The following ANKS1B variants were observed in gnomAD, a reference collection of about 807,000 sequenced individuals.
ANKS1B encodes the protein ankyrin repeat and sterile alpha motif domain-containing protein 1B.
In ANKS1B, 36 loss-of-function variants were observed where a neutral mutation model predicts 148.3. The ratio of observed to expected loss-of-function variants is 0.24; its 90% CI spans 0.19 to 0.32. The LOEUF (loss-of-function observed/expected upper bound fraction) is 0.32. Among genes scored for constraint, ANKS1B ranks in the 10% least tolerant of loss-of-function variants. ANKS1B has a pLI of 1.00. For synonymous variants in ANKS1B, 542 were observed against 560.8 expected (o/e 0.97, Z 0.47); for missense variants, 1,157 against 1,542.6 (o/e 0.75, Z 4.19).
At chr12:99,764,029 G>A (rs2153611505) in intron 8 of ANKS1B, among the ~76,000 whole-genome samples, 1 of 152,180 alleles carries the variant, frequency 6.6e-6, no homozygotes, top group Non-Finnish European at 1.5e-5. Context: ...ACCCAACAGG[G>A]GAAGTTCTTC....
Position 99,309,604 on chromosome 12 carries a change from C to T in ANKS1B, c.1757-62740G>A, listed in dbSNP as rs1052297756. 2.6e-5 allele frequency among the ~76,000 whole-genome samples: 4 copies of T among 152,018 alleles called. No individual in the cohort carries two copies. In the South Asian group the frequency reaches 6.2e-4, roughly 24 times the overall value. On this transcript the variant is annotated intron_variant, in intron 12 of 26. Transcript: ENST00000683438. ...ACATTAATTTAGATAAACACACATA[C>T]ATCTAGTCACACATAAATACATAAA...
At chr12:99,178,476 G>A (rs931222549) in intron 14 of ANKS1B, among the ~76,000 whole-genome samples, 1 of 152,168 alleles carries the variant, frequency 6.6e-6, no homozygotes, top group Non-Finnish European at 1.5e-5. Flanking sequence ...TTGGGGGAGA[G>A]GAATCTGGGC....
At chr12:99,869,818 TAATA>T (rs1013914212) in intron 1 of ANKS1B, among the ~76,000 whole-genome samples, 1 of 152,052 alleles carries the variant, frequency 6.6e-6, no homozygotes, top group Non-Finnish European at 1.5e-5. Context: ...AAAGAACTCC[TAATA>T]GATCTATGAA....
chr12:98,787,089 T>C (rs1250001969), intron 22 of ANKS1B, among the ~76,000 whole-genome samples: 1 of 152,200 alleles, frequency 6.6e-6, no homozygotes, highest in Non-Finnish European at 1.5e-5. Context: ...TAAAATAGGA[T>C]CAAGCAATTA....
At chr12:99,042,215 A>G (rs1030869483) in intron 17 of ANKS1B, among the ~76,000 whole-genome samples, 1 of 152,120 alleles carries the variant, frequency 6.6e-6, no homozygotes, top group African/African-American at 2.4e-5. Flanking sequence ...GCTGATTTTG[A>G]GTTTTCCATA....
chr12:99,754,846 G>T (rs2061420825), intron 8 of ANKS1B, among the ~76,000 whole-genome samples: 1 of 152,072 alleles, frequency 6.6e-6, no homozygotes, highest in Non-Finnish European at 1.5e-5. Context: ...CACAGCTCAG[G>T]CACTGTTAAG....
chr12:99,636,534 G>A (rs1825423403), intron 9 of ANKS1B, among the ~76,000 whole-genome samples: 1 of 152,120 alleles, frequency 6.6e-6, no homozygotes, highest in Admixed American at 6.6e-5. Flanking sequence ...ACACTAGAAA[G>A]TACTTCAGCA....
At chr12:99,887,152 A>T (rs2092866509) in intron 1 of ANKS1B, among the ~76,000 whole-genome samples, 1 of 152,186 alleles carries the variant, frequency 6.6e-6, no homozygotes, top group Admixed American at 6.5e-5. Flanking sequence ...CTCAATGAAG[A>T]TCGCAGCACT....
At chr12:99,039,684 GTTTGTTTA>G (rs971492025) in intron 17 of ANKS1B, among the ~76,000 whole-genome samples, 39 of 152,072 alleles carry the variant, frequency 2.6e-4, no homozygotes, top group Admixed American at 2.6e-3. Context: ...TTGTTTGTTT[GTTTGTTTA>G]TTTATTTATT....
At chr12:98,891,298 C>T (rs2099752100) in intron 17 of ANKS1B, among the ~76,000 whole-genome samples, 2 of 151,666 alleles carry the variant, frequency 1.3e-5, no homozygotes, top group South Asian at 4.2e-4. Context: ...AAATATTGGC[C>T]AAACATAAAG....
chr12:98,980,665 G>A (rs1409640551), intron 17 of ANKS1B, among the ~76,000 whole-genome samples: 1 of 152,078 alleles, frequency 6.6e-6, no homozygotes, highest in African/African-American at 2.4e-5. Context: ...TAAATGCCAG[G>A]TCATCTGGAT....
intron 12 of ANKS1B, among the ~76,000 whole-genome samples, chr12:99,371,802 T>C (rs1251261341): frequency 3.3e-5 from 5 of 152,170 alleles, no homozygotes; most frequent in Non-Finnish European, 2.9e-5. Flanking sequence ...TTTCCACTTA[T>C]AATGCAAAGG....
intron 9 of ANKS1B, among the ~76,000 whole-genome samples, chr12:99,542,628 G>C (rs1405208687): frequency 6.6e-6 from 1 of 151,962 alleles, no homozygotes; most frequent in Non-Finnish European, 1.5e-5. Flanking sequence ...TGAAAACTTT[G>C]AACAAAGTGG....
In ANKS1B at chr12:99,402,952, G is replaced by C. The variant is rs537837240; in HGVS notation, c.1576-3141C>G. On this transcript the variant is annotated intron_variant, in intron 11 of 26. Coordinates refer to ENST00000683438, the MANE Select transcript of ANKS1B (RefSeq NM_001352186.2). ...CTCCCACCTGTAGTGTATAAGTGTG[G>C]CTTTTTCTCCACAACCTTCCCAGCA... is the stretch of plus-strand genomic sequence containing the variant. Among the ~76,000 whole-genome samples the C allele has an allele frequency of 2.0e-3, 290 of 144,908 alleles. 34 individuals are homozygous for C. Among genetic ancestry groups the C allele is most frequent in the African/African-American group, 7.4e-3 (281 of 38,078 alleles).
chr12:99,029,617 C>A (rs902338918), intron 17 of ANKS1B, among the ~76,000 whole-genome samples: 8 of 152,232 alleles, frequency 5.3e-5, no homozygotes, highest in African/African-American at 1.4e-4. Context: ...GAGGAAGCCT[C>A]TTCCACAGGA....
At chr12:99,029,551 T>C (rs2099950744) in intron 17 of ANKS1B, among the ~76,000 whole-genome samples, 2 of 152,204 alleles carry the variant, frequency 1.3e-5, no homozygotes. Flanking sequence ...GTGAAGTACT[T>C]GTCAGGGTAA....
At chr12:99,166,640 G>A (rs2077211406) in intron 14 of ANKS1B, among the ~76,000 whole-genome samples, 1 of 152,000 alleles carries the variant, frequency 6.6e-6, no homozygotes, top group Admixed American at 6.6e-5. Flanking sequence ...GATATACTAT[G>A]TTAATGAATT....
At chr12:98,972,140 C>T (rs2099883647) in intron 17 of ANKS1B, among the ~76,000 whole-genome samples, 1 of 152,152 alleles carries the variant, frequency 6.6e-6, no homozygotes, top group South Asian at 2.1e-4. Context: ...TGCACTCCAG[C>T]CTGGGCAACA....
At chr12:99,468,839 G>A (rs1258711668) in intron 10 of ANKS1B, among the ~76,000 whole-genome samples, 2 of 152,120 alleles carry the variant, frequency 1.3e-5, no homozygotes, top group African/African-American at 4.8e-5. Context: ...TACACTGTTG[G>A]TGGGACTGCA....
Sources: gnomAD v4.1 joint callset for allele counts (sites outside exome capture counted in the v4.1 genomes callset) on GRCh38, gnomAD v4.1.1 for gene constraint, MANE v1.5 for transcripts, NCBI Gene and HGNC (gene_info 2026-07-23, HGNC 2026-07-21) for gene names.